The following SNTG1 variants were observed in gnomAD, a reference collection of about 807,000 sequenced individuals.
The protein encoded by SNTG1 is syntrophin gamma 1.
SNTG1 carries 39 observed loss-of-function variants against 74.7 expected under a neutral mutation model. The observed-to-expected ratio is 0.52, with a 90% CI of 0.40 to 0.68. The LOEUF (loss-of-function observed/expected upper bound fraction) is 0.68. SNTG1 is among the 30% of genes least tolerant of loss of function. The probability of loss-of-function intolerance (pLI) is 0.00; values close to 1 mark genes in which losing one functional copy is unlikely to be tolerated. For synonymous variants in SNTG1, 254 were observed against 217.1 expected (o/e 1.17, Z -1.49); for missense variants, 685 against 609.5 (o/e 1.12, Z -1.30).
intron 2 of SNTG1, among the ~76,000 whole-genome samples, chr8:50,369,201 C>T (rs969123898): frequency 1.3e-5 from 2 of 152,134 alleles, no homozygotes; most frequent in African/African-American, 4.8e-5. Context: ...AGCCCTAACC[C>T]CTAATGTGAC....
At chr8:50,168,671 T>C (rs943292953) in intron 1 of SNTG1, among the ~76,000 whole-genome samples, 6 of 152,196 alleles carry the variant, frequency 3.9e-5, no homozygotes, top group Non-Finnish European at 7.3e-5. Flanking sequence ...GTAGTACACA[T>C]GGTTTTTACT....
chr8:50,789,450 T>A (rs1226417384), intron 18 of SNTG1, among the ~76,000 whole-genome samples: 1 of 151,948 alleles, frequency 6.6e-6, no homozygotes, highest in African/African-American at 2.4e-5. Flanking sequence ...TTACCTACCA[T>A]CTATGTGCTG....
At chr8:50,033,635 C>T (rs1563500616) in intron 1 of SNTG1, among the ~76,000 whole-genome samples, 1 of 151,956 alleles carries the variant, frequency 6.6e-6, no homozygotes, top group Admixed American at 6.6e-5. Flanking sequence ...CTGCTTTCTC[C>T]CTGTATTCTC....
intron 13 of SNTG1, among the ~76,000 whole-genome samples, chr8:50,644,789 T>A (rs4367561): frequency 0.23 from 34,609 of 152,048 alleles, 4,584 homozygotes; most frequent in African/African-American, 0.36. Context: ...TCTGCAGGGT[T>A]AGGAGTGTTG....
At position 50,794,394 on chromosome 8, in the gene SNTG1, G is replaced by A. The variant is rs1456726674; in HGVS notation, c.*1565G>A. The A allele has an allele frequency of 1.3e-5, 2 of 151,974 alleles. No individual in the cohort carries two copies. The highest frequency in any genetic ancestry group is 4.8e-5 in the African/African-American group (2 of 41,496). The allele number at this position is 151,974 out of a possible 1,614,324, so 9.4% of individuals were successfully genotyped here. A position where few individuals can be genotyped will look rare whatever the true frequency, so the allele number is the denominator to read the frequency against. On this transcript the variant is annotated 3_prime_UTR_variant, in exon 19 of 19. Coordinates refer to ENST00000642720, the MANE Select transcript of SNTG1 (RefSeq NM_018967.5). Reference sequence around the variant, plus strand: ...AAATACATCAAATTGAAAAGAAAAAGTGAGGGTTTATAATTGTCCCTGGGA... The same window carrying A: ...AAATACATCAAATTGAAAAGAAAAAATGAGGGTTTATAATTGTCCCTGGGA...
chr8:50,709,378 G>T (rs111463246), intron 17 of SNTG1, among the ~76,000 whole-genome samples: 2 of 136,794 alleles, frequency 1.5e-5, no homozygotes, highest in South Asian at 2.6e-4. Context: ...AAAACATGTT[G>T]TTTTTTTAAA....
At chr8:50,775,162 A>G (rs2095637255) in intron 18 of SNTG1, among the ~76,000 whole-genome samples, 1 of 151,512 alleles carries the variant, frequency 6.6e-6, no homozygotes, top group Non-Finnish European at 1.5e-5. Context: ...AAATATTTCG[A>G]CCAAAGGCAG....
At chr8:50,500,460 T>A (rs1306452844) in intron 8 of SNTG1, among the ~76,000 whole-genome samples, 1 of 152,142 alleles carries the variant, frequency 6.6e-6, no homozygotes, top group Non-Finnish European at 1.5e-5. Flanking sequence ...AAGCTTGTAA[T>A]TTCTTATGGC....
intron 2 of SNTG1, among the ~76,000 whole-genome samples, chr8:50,304,813 T>C (rs1050232737): frequency 2.6e-5 from 4 of 152,208 alleles, no homozygotes; most frequent in African/African-American, 9.6e-5. Flanking sequence ...ATTTCTTATG[T>C]CGCAATCTCT....
At position 50,788,138 on chromosome 8, in the gene SNTG1, AT is replaced by A. The variant is rs574440659; in HGVS notation, c.1396-4532del. Among the ~76,000 whole-genome samples, 32 of 152,164 alleles carry A rather than the reference AT, an allele frequency of 2.1e-4. No individual in the cohort carries two copies. The East Asian group carries it at 4.5e-3, about 21-fold the overall frequency. On this transcript the variant is annotated intron_variant, in intron 18 of 18. Transcript: ENST00000642720. ...TTAACAAGAAATAAACCTATGAATA[AT>A]GATGGAGCTATTTGTTTTTCTCTAA...
intron 8 of SNTG1, among the ~76,000 whole-genome samples, chr8:50,470,711 G>A (rs2093646051): frequency 6.6e-6 from 1 of 152,288 alleles, no homozygotes; most frequent in East Asian, 1.9e-4. Flanking sequence ...GAGTGAAGCT[G>A]TAGACCTTCG....
intron 4 of SNTG1, among the ~76,000 whole-genome samples, chr8:50,415,709 A>G (rs562867640): frequency 6.6e-6 from 1 of 151,984 alleles, no homozygotes; most frequent in Non-Finnish European, 1.5e-5. Context: ...GATGCTTGCT[A>G]TCATACATAT....
chr8:50,003,966 G>A (rs1048876208), intron 1 of SNTG1, among the ~76,000 whole-genome samples: 2 of 152,106 alleles, frequency 1.3e-5, no homozygotes, highest in Non-Finnish European at 2.9e-5. Context: ...ATTTGCCAAT[G>A]ATCCAAAGTT....
At chr8:50,273,534 C>G (rs1418335322) in intron 2 of SNTG1, among the ~76,000 whole-genome samples, 1 of 152,134 alleles carries the variant, frequency 6.6e-6, no homozygotes, top group Non-Finnish European at 1.5e-5. Flanking sequence ...TAGGTTAAGT[C>G]ATTTTAAGCA....
chr8:50,515,299 A>G (rs564416207), intron 9 of SNTG1, among the ~76,000 whole-genome samples: 3 of 151,838 alleles, frequency 2.0e-5, no homozygotes, highest in Non-Finnish European at 4.4e-5. Context: ...CCATAACGGC[A>G]TTATGTGTAA....
chr8:50,190,281 C>A (rs1480359590), intron 2 of SNTG1, among the ~76,000 whole-genome samples: 1 of 152,064 alleles, frequency 6.6e-6, no homozygotes, highest in East Asian at 1.9e-4. Context: ...CAAAATACAG[C>A]TGTTAACCAT....
intron 2 of SNTG1, among the ~76,000 whole-genome samples, chr8:50,262,953 T>C (rs1232573986): frequency 6.6e-6 from 1 of 152,162 alleles, no homozygotes; most frequent in Non-Finnish European, 1.5e-5. Context: ...AGATGCATTA[T>C]CACAGAAGGG....
chr8:49,926,640 T>C (rs890196994), intron 1 of SNTG1, among the ~76,000 whole-genome samples: 2 of 152,122 alleles, frequency 1.3e-5, no homozygotes, highest in South Asian at 2.1e-4. Context: ...CTAAACTCCT[T>C]GAAGATATCA....
At chr8:50,277,286 G>T (rs1264142586) in intron 2 of SNTG1, among the ~76,000 whole-genome samples, 2 of 132,432 alleles carry the variant, frequency 1.5e-5, no homozygotes, top group African/African-American at 5.3e-5. Context: ...AAAAAAAAAT[G>T]AGTTTGTCTT....
Sources: allele counts gnomAD v4.1 joint callset (sites outside exome capture counted in the v4.1 genomes callset), GRCh38; gene constraint gnomAD v4.1.1; transcripts MANE v1.5; gene names NCBI Gene and HGNC (gene_info 2026-07-23, HGNC 2026-07-21).